The following CFDP1 variants were observed in gnomAD, a reference collection of about 807,000 sequenced individuals.
The protein encoded by CFDP1 is heterochromatin-stabilizing protein CFDP1.
Under a neutral mutation model 40.1 loss-of-function variants are expected in CFDP1, and 31 were observed. The ratio of observed to expected loss-of-function variants is 0.77; its 90% CI spans 0.58 to 1.04. The LOEUF is 1.04. Ranked by LOEUF, CFDP1 falls within the 50% of genes least tolerant of loss-of-function variation. The pLI, the probability that CFDP1 is intolerant of heterozygous loss-of-function variation, is 0.00. For missense variants in CFDP1, 423 were observed against 343.4 expected, an observed-to-expected ratio of 1.23 and a Z score of -1.83; for synonymous variants, 167 against 120.0, an observed-to-expected ratio of 1.39 and a Z score of -2.56.
chr16:75,369,321 G>A (rs1490040725), intron 5 of CFDP1, among the ~76,000 whole-genome samples: 1 of 151,772 alleles, frequency 6.6e-6, no homozygotes, highest in Non-Finnish European at 1.5e-5. Flanking sequence ...GGAGGTCAAG[G>A]CAGTATTGCT....
At chr16:75,335,463 T>A (rs2078480119) in intron 5 of CFDP1, among the ~76,000 whole-genome samples, 2 of 152,164 alleles carry the variant, frequency 1.3e-5, no homozygotes, top group Non-Finnish European at 2.9e-5. Flanking sequence ...TCCGGAGAGA[T>A]TCTCTGCATA....
chr16:75,325,510 T>C (rs1457780742), intron 5 of CFDP1, among the ~76,000 whole-genome samples: 2 of 152,238 alleles, frequency 1.3e-5, no homozygotes, highest in East Asian at 1.9e-4. Context: ...CTGATTGTCT[T>C]TTCTCTATCA....
intron 5 of CFDP1, among the ~76,000 whole-genome samples, chr16:75,314,489 G>C (rs1218031627): frequency 1.3e-5 from 2 of 152,118 alleles, no homozygotes; most frequent in Non-Finnish European, 2.9e-5. Context: ...GGAGTTGGGG[G>C]TGGTAGTTGC....
chr16:75,402,509 T>C (rs983450710), intron 4 of CFDP1, among the ~76,000 whole-genome samples: 1 of 152,146 alleles, frequency 6.6e-6, no homozygotes. Flanking sequence ...CAAAATGAAA[T>C]GATCAAAGCC....
rs3975153 is a variant in CFDP1 at position 75,352,007 on chromosome 16, CAAAAAAAA to C, written c.650+43075_650+43082del. ...TGGGCGACAGACTGAGACTCTGTCT[CAAAAAAAA>C]AAAAAAAAAAAAAAAAAAGAAAAGG... On this transcript the variant is annotated intron_variant, in intron 5 of 6. Transcript: ENST00000283882. Among the ~76,000 whole-genome samples the C allele has an allele frequency of 3.2e-3, 274 of 86,706 alleles. 2 individuals carry two copies. Among genetic ancestry groups the C allele is most frequent in the Admixed American group, 5.7e-3 (48 of 8,476 alleles). 56.9% of individuals were successfully genotyped at this position (86,706 alleles called of 152,430 possible).
chr16:75,332,037 T>A (rs527823706), intron 5 of CFDP1, among the ~76,000 whole-genome samples: 1 of 152,358 alleles, frequency 6.6e-6, no homozygotes, highest in South Asian at 2.1e-4. Context: ...AGATTTACTA[T>A]GATTTTAATT....
At chr16:75,315,030 GT>G (rs1410301104) in intron 5 of CFDP1, among the ~76,000 whole-genome samples, 2 of 152,160 alleles carry the variant, frequency 1.3e-5, no homozygotes, top group African/African-American at 4.8e-5. Context: ...GAGATTACAG[GT>G]GTGAGCCACC....
rs111989483 is a variant in CFDP1, at chr16:75,340,191, C to T, written c.651-35009G>A. 1.4e-4 allele frequency among the ~76,000 whole-genome samples: 22 copies of T among 152,250 alleles called. No homozygotes were observed. In the South Asian group the frequency reaches 1.7e-3, roughly 11 times the overall value. On this transcript the variant is annotated intron_variant, in intron 5 of 6. Transcript: ENST00000283882. ...ACTGATAAAATCACATTTCCAGGAC[C>T]GCAATGCTCCTACGATGATCCTGTA...
intron 5 of CFDP1, among the ~76,000 whole-genome samples, chr16:75,336,088 C>T (rs1443618552): frequency 2.0e-5 from 3 of 152,150 alleles, no homozygotes; most frequent in Non-Finnish European, 2.9e-5. Flanking sequence ...GCCCCTCTGC[C>T]CTTTTCTTCT....
At chr16:75,407,880 G>A (rs1019772747) in intron 4 of CFDP1, among the ~76,000 whole-genome samples, 3 of 152,150 alleles carry the variant, frequency 2.0e-5, no homozygotes, top group Non-Finnish European at 4.4e-5. Flanking sequence ...GGTGAAGGCA[G>A]GAGGATCACC....
chr16:75,310,473 T>A (rs2078287984), intron 5 of CFDP1, among the ~76,000 whole-genome samples: 1 of 152,172 alleles, frequency 6.6e-6, no homozygotes, highest in African/African-American at 2.4e-5. Flanking sequence ...CTTTTCTAGG[T>A]TCAAAGTTTA....
chr16:75,379,629 G>T (rs778118048), intron 5 of CFDP1, among the ~76,000 whole-genome samples: 3 of 152,164 alleles, frequency 2.0e-5, no homozygotes, highest in Non-Finnish European at 4.4e-5. Flanking sequence ...GAAAGTGTAT[G>T]TAGCTATAGA....
intron 1 of CFDP1, among the ~76,000 whole-genome samples, chr16:75,423,608 G>T (rs1267996855): frequency 6.6e-6 from 1 of 151,990 alleles, no homozygotes; most frequent in Non-Finnish European, 1.5e-5. Context: ...TCCGCCTCTT[G>T]GGTTCACGCC....
At position 75,422,870 on chromosome 16, in the gene CFDP1, A is replaced by G. The variant is rs377254232; in HGVS notation, c.65-8175T>C. Among the ~76,000 whole-genome samples the G allele has an allele frequency of 3.6e-3, 546 of 151,310 alleles. 4 individuals are homozygous for G. The highest frequency in any genetic ancestry group is 0.012 in the African/African-American group (513 of 41,260). On this transcript the variant is annotated intron_variant, in intron 1 of 6. Transcript: ENST00000283882. Reference sequence around the variant, plus strand: ...CTTTTAAAAACAAACAAACAAATCCAGGTTTTCTCACACCTGTAATGCCAG... The same window carrying G: ...CTTTTAAAAACAAACAAACAAATCCGGGTTTTCTCACACCTGTAATGCCAG...
intron 4 of CFDP1, among the ~76,000 whole-genome samples, chr16:75,398,314 A>G (rs974599179): frequency 6.6e-6 from 1 of 152,344 alleles, no homozygotes; most frequent in African/African-American, 2.4e-5. Context: ...AGAGAACCCT[A>G]TAGCAGACAG....
chr16:75,334,892 T>G (rs556891383), intron 5 of CFDP1, among the ~76,000 whole-genome samples: 5 of 151,532 alleles, frequency 3.3e-5, no homozygotes, highest in Admixed American at 6.6e-5. Flanking sequence ...GAGGTGGAGG[T>G]TGCAGTGAGC....
At chr16:75,420,537 T>G (rs1468655912) in intron 1 of CFDP1, among the ~76,000 whole-genome samples, 1 of 152,198 alleles carries the variant, frequency 6.6e-6, no homozygotes, top group African/African-American at 2.4e-5. Flanking sequence ...GGGAGTGTGC[T>G]AGATTAAAAG....
chr16:75,365,811 T>C (rs912003655), intron 5 of CFDP1, among the ~76,000 whole-genome samples: 1 of 152,192 alleles, frequency 6.6e-6, no homozygotes, highest in African/African-American at 2.4e-5. Flanking sequence ...TCAACATCAT[T>C]AGGCATTAAA....
chr16:75,315,185 T>G (rs371345143), intron 5 of CFDP1, among the ~76,000 whole-genome samples: 4 of 152,040 alleles, frequency 2.6e-5, no homozygotes, highest in African/African-American at 9.6e-5. Context: ...TACAAAAAAT[T>G]TGCCGGGTGT....
Sources: allele counts gnomAD v4.1 joint callset (sites outside exome capture counted in the v4.1 genomes callset), GRCh38; gene constraint gnomAD v4.1.1; transcripts MANE v1.5; gene names NCBI Gene and HGNC (gene_info 2026-07-23, HGNC 2026-07-21).